RBFOX1: variants seen among roughly 807,000 people sequenced by gnomAD.
RBFOX1 encodes the protein RNA binding protein fox-1 homolog 1.
RBFOX1 carries 8 observed loss-of-function variants against 57.7 expected under a neutral mutation model. The ratio of observed to expected loss-of-function variants is 0.14; its 90% CI spans 0.08 to 0.25. RBFOX1 has a LOEUF of 0.25. Ranked by LOEUF, RBFOX1 falls within the 10% of genes least tolerant of loss-of-function variation. The probability of loss-of-function intolerance (pLI) is 1.00; values close to 1 mark genes in which losing one functional copy is unlikely to be tolerated. For synonymous variants in RBFOX1, 326 were observed against 222.4 expected, an observed-to-expected ratio of 1.47 and a Z score of -4.15; for missense variants, 611 against 548.5, an observed-to-expected ratio of 1.11 and a Z score of -1.14.
intron 2 of RBFOX1, among the ~76,000 whole-genome samples, chr16:6,553,686 A>G (rs1017139855): frequency 3.3e-5 from 5 of 152,204 alleles, no homozygotes; most frequent in African/African-American, 7.2e-5. Flanking sequence ...GATTTGTTTT[A>G]AGGATGGGCC....
intron 4 of RBFOX1, among the ~76,000 whole-genome samples, chr16:7,176,045 A>G (rs1402352604): frequency 6.6e-6 from 1 of 151,874 alleles, no homozygotes; most frequent in Non-Finnish European, 1.5e-5. Context: ...TGTAACCAAG[A>G]TGGACCTCAG....
At chr16:7,012,216 A>T (rs192859942) in intron 3 of RBFOX1, among the ~76,000 whole-genome samples, 1 of 152,116 alleles carries the variant, frequency 6.6e-6, no homozygotes, top group South Asian at 2.1e-4. Flanking sequence ...TTTTTGTTCA[A>T]CTTGCTTAAC....
chr16:7,422,997 C>G (rs1210150319), intron 4 of RBFOX1: 1 of 152,260 alleles, frequency 6.6e-6, no homozygotes, highest in Non-Finnish European at 1.5e-5. Flanking sequence ...ACCTGGCCAC[C>G]CAACCTCGTG....
At chr16:6,582,050 A>C (rs1156814212) in intron 2 of RBFOX1, among the ~76,000 whole-genome samples, 2 of 152,198 alleles carry the variant, frequency 1.3e-5, no homozygotes, top group Admixed American at 1.3e-4. Flanking sequence ...CTGCACATCT[A>C]ACAAGGCAAA....
At position 7,099,566 on chromosome 16, in the gene RBFOX1, G is replaced by C. The variant is rs910026864; in HGVS notation, c.27+47468G>C. Among the ~76,000 whole-genome samples the C allele has an allele frequency of 1.8e-4, 28 of 152,150 alleles. 1 individual carries two copies. Among genetic ancestry groups the C allele is most frequent in the Admixed American group, 1.6e-3 (25 of 15,272 alleles). ...CAACTTAGAAAGGTTATTTTGCTGA[G>C]GTTAAGGTTGCACCCTTGACACAGC... On this transcript the variant is annotated intron_variant, in intron 4 of 15. Coordinates refer to ENST00000550418, the MANE Select transcript of RBFOX1 (RefSeq NM_018723.4).
chr16:5,537,298 A>G (rs982799659), intron 2 of RBFOX1, among the ~76,000 whole-genome samples: 15 of 152,222 alleles, frequency 9.9e-5, no homozygotes, highest in African/African-American at 3.4e-4. Context: ...TCCAAAGCCA[A>G]TTCCACATTT....
chr16:6,673,245 C>T (rs2098778955), intron 3 of RBFOX1, among the ~76,000 whole-genome samples: 1 of 152,064 alleles, frequency 6.6e-6, no homozygotes, highest in Non-Finnish European at 1.5e-5. Context: ...CTCTCTGATC[C>T]CAAAGGTCCC....
intron 3 of RBFOX1, among the ~76,000 whole-genome samples, chr16:6,818,099 T>C (rs1160220609): frequency 5.3e-5 from 8 of 152,188 alleles, no homozygotes; most frequent in African/African-American, 1.9e-4. Context: ...CATTATTGTT[T>C]CAGATTTTCC....
intron 3 of RBFOX1, among the ~76,000 whole-genome samples, chr16:6,763,483 A>G (rs2076919294): frequency 1.3e-5 from 2 of 152,170 alleles, no homozygotes; most frequent in Non-Finnish European, 2.9e-5. Context: ...GTAATGGCAG[A>G]TGTGTGATTT....
intron 1 of RBFOX1, among the ~76,000 whole-genome samples, chr16:6,180,829 A>G (rs1567625816): frequency 6.6e-6 from 1 of 151,992 alleles, no homozygotes; most frequent in African/African-American, 2.4e-5. Flanking sequence ...GCCTCCCAAC[A>G]TGCTGGGATT....
At chr16:7,573,315 G>A (rs1434277818) in intron 5 of RBFOX1, among the ~76,000 whole-genome samples, 8 of 152,102 alleles carry the variant, frequency 5.3e-5, no homozygotes, top group Non-Finnish European at 1.2e-4. Context: ...AGTCACAGCC[G>A]AGAACACTGA....
At chr16:5,306,167 C>T (rs959692470) in intron 1 of RBFOX1, among the ~76,000 whole-genome samples, 2 of 152,156 alleles carry the variant, frequency 1.3e-5, no homozygotes, top group African/African-American at 2.4e-5. Flanking sequence ...TGCCATTGCA[C>T]TCCAGCCTGG....
intron 3 of RBFOX1, among the ~76,000 whole-genome samples, chr16:6,764,185 C>T (rs1256520348): frequency 6.6e-6 from 1 of 152,166 alleles, no homozygotes; most frequent in Admixed American, 6.5e-5. Context: ...CCCTCAATAT[C>T]TCCCACTTGA....
chr16:6,929,126 A>G (rs72772260), intron 3 of RBFOX1, among the ~76,000 whole-genome samples: 15,665 of 152,190 alleles, frequency 0.1, 935 homozygotes, highest in East Asian at 0.15. Flanking sequence ...CAACTCTTCA[A>G]TACTTTATTA....
At chr16:7,633,050 G>C (rs1042047529) in intron 11 of RBFOX1, among the ~76,000 whole-genome samples, 1 of 151,950 alleles carries the variant, frequency 6.6e-6, no homozygotes, top group African/African-American at 2.4e-5. Context: ...CTAAAGCGAG[G>C]GCCACCCAAG....
chr16:7,054,089 CTCTG>C (rs2051071695), intron 4 of RBFOX1, among the ~76,000 whole-genome samples: 1 of 150,640 alleles, frequency 6.6e-6, no homozygotes. Context: ...CATTTTTGTT[CTCTG>C]TCTTTCCATC....
chr16:5,356,842 G>C (rs74003886), intron 1 of RBFOX1, among the ~76,000 whole-genome samples: 3 of 152,108 alleles, frequency 2.0e-5, no homozygotes, highest in Non-Finnish European at 4.4e-5. Context: ...GTTTGTTGCC[G>C]ATAGTAATAC....
At chr16:5,318,305 T>C (rs185206087) in intron 1 of RBFOX1, among the ~76,000 whole-genome samples, 33 of 152,194 alleles carry the variant, frequency 2.2e-4, no homozygotes, top group African/African-American at 7.7e-4. Context: ...ATTTTTGTAT[T>C]TTTAGTAGAA....
intron 3 of RBFOX1, among the ~76,000 whole-genome samples, chr16:5,637,532 C>T (rs140259170): frequency 1.2e-4 from 18 of 152,310 alleles, no homozygotes; most frequent in African/African-American, 4.3e-4. Context: ...TGCACCTAGA[C>T]TATTGAACAC....
Sources: allele counts gnomAD v4.1 joint callset (sites outside exome capture counted in the v4.1 genomes callset), GRCh38; gene constraint gnomAD v4.1.1; transcripts MANE v1.5; gene names NCBI Gene and HGNC (gene_info 2026-07-23, HGNC 2026-07-21).